FALEC: variants seen among roughly 807,000 people sequenced by gnomAD.
FALEC encodes the protein focally amplified lncRNA regulator of ECM1, also known as focally amplified lncRNA on chromosome 1.
the FALEC span, among the ~76,000 whole-genome samples, chr1:150,530,332 C>T: frequency 6.6e-6 from 1 of 152,134 alleles, no homozygotes; most frequent in Non-Finnish European, 1.5e-5. Context: ...GACTTTGAAT[C>T]GGGAGGCAGC....
chr1:150,535,876 A>C, the FALEC span, among the ~76,000 whole-genome samples: 1 of 152,222 alleles, frequency 6.6e-6, no homozygotes, highest in African/African-American at 2.4e-5. Flanking sequence ...CTGGTTCTGC[A>C]CCTGGGGCTT....
the FALEC span, among the ~76,000 whole-genome samples, chr1:150,524,219 A>C: frequency 6.6e-6 from 1 of 152,116 alleles, no homozygotes; most frequent in Non-Finnish European, 1.5e-5. Flanking sequence ...GTGCGATTAG[A>C]GCTCACTGCA....
chr1:150,516,265 G>C lies in FALEC; in HGVS notation n.306+203G>C, dbSNP rs755430854. 2.0e-5 allele frequency among the ~76,000 whole-genome samples: 3 copies of C among 152,188 alleles called. No homozygotes were observed. In the South Asian group the frequency reaches 6.2e-4, roughly 32 times the overall value. ...CTGTCTCAAAAAAAAAAAGGGAGCG[G>C]GGGGGCTTTGGTCTGTGCAGGAGCT... On this transcript the variant is annotated intron_variant and non_coding_transcript_variant, in intron 1 of 1. Transcript: ENST00000416894.
At chr1:150,522,182 G>A (rs1237624082), downstream of FALEC, among the ~76,000 whole-genome samples, 1 of 151,898 alleles carries the variant, frequency 6.6e-6, no homozygotes, top group Non-Finnish European at 1.5e-5. Flanking sequence ...AGGAGATGGA[G>A]GTTGCAGTGA....
chr1:150,522,863 A>G (rs1454029948), downstream of FALEC, among the ~76,000 whole-genome samples: 2 of 123,354 alleles, frequency 1.6e-5, no homozygotes, highest in South Asian at 2.3e-4. Flanking sequence ...ATATATATAT[A>G]TACGTATATA....
At chr1:150,517,489 T>A (rs967287569) in intron 1 of FALEC, among the ~76,000 whole-genome samples, 1 of 152,090 alleles carries the variant, frequency 6.6e-6, no homozygotes, top group African/African-American at 2.4e-5. Flanking sequence ...GTTGAAATCC[T>A]AGCCCCCAGT....
chr1:150,535,217 A>T, the FALEC span, among the ~76,000 whole-genome samples: 2 of 143,040 alleles, frequency 1.4e-5, no homozygotes, highest in African/African-American at 5.1e-5. Context: ...GTTGACAAAC[A>T]GTATTTTTAT....
At chr1:150,519,750 G>A (rs761216348), downstream of FALEC, among the ~76,000 whole-genome samples, 14 of 152,160 alleles carry the variant, frequency 9.2e-5, no homozygotes, top group Non-Finnish European at 1.8e-4. Flanking sequence ...CCAGCTACTC[G>A]GGAGGCTGAG....
the FALEC span, among the ~76,000 whole-genome samples, chr1:150,527,152 G>A: frequency 6.7e-6 from 1 of 150,020 alleles, no homozygotes; most frequent in African/African-American, 2.5e-5. Flanking sequence ...TATTGGTCAG[G>A]CTGGTCTCGA....
At chr1:150,519,624 A>G (rs1011107848), downstream of FALEC, among the ~76,000 whole-genome samples, 2 of 152,028 alleles carry the variant, frequency 1.3e-5, no homozygotes, top group African/African-American at 4.8e-5. Flanking sequence ...TGGGAGGCTG[A>G]GGTGGATGGA....
downstream of FALEC, among the ~76,000 whole-genome samples, chr1:150,520,587 G>A (rs1195881623): frequency 6.6e-6 from 1 of 151,868 alleles, no homozygotes; most frequent in Admixed American, 6.6e-5. Context: ...TTCATCTGTT[G>A]ATGGACATTT....
chr1:150,518,152 T>C (rs1670595174), downstream of FALEC: 1 of 152,200 alleles, frequency 6.6e-6, no homozygotes. Context: ...GTACAATCTG[T>C]CAGTTTTTCT....
chr1:150,531,084 TTC>T, the FALEC span, among the ~76,000 whole-genome samples: 1 of 152,174 alleles, frequency 6.6e-6, no homozygotes, highest in African/African-American at 2.4e-5. Flanking sequence ...TACTCAATGA[TTC>T]CACTATTCCA....
downstream of FALEC, among the ~76,000 whole-genome samples, chr1:150,522,889 G>GTA (rs1179886123): frequency 9.2e-3 from 406 of 44,318 alleles, 32 homozygotes; most frequent in East Asian, 0.02. Context: ...ATATATATAC[G>GTA]TATATATATA....
At chr1:150,525,805 C>G in the FALEC span, among the ~76,000 whole-genome samples, 1 of 152,150 alleles carries the variant, frequency 6.6e-6, no homozygotes, top group Non-Finnish European at 1.5e-5. Flanking sequence ...GCACACACCA[C>G]CATACCTGGC....
chr1:150,521,701 C>T (rs1570892354), downstream of FALEC, among the ~76,000 whole-genome samples: 1 of 152,146 alleles, frequency 6.6e-6, no homozygotes, highest in East Asian at 1.9e-4. Flanking sequence ...ACTGTTATGA[C>T]CCCTCTGCAG....
downstream of FALEC, among the ~76,000 whole-genome samples, chr1:150,519,729 C>T (rs764080189): frequency 2.6e-5 from 4 of 151,950 alleles, no homozygotes; most frequent in African/African-American, 9.7e-5. Context: ...TGGTGGTGGG[C>T]GCCTGTAATC....
the FALEC span, among the ~76,000 whole-genome samples, chr1:150,526,494 CG>C: frequency 6.6e-5 from 10 of 151,722 alleles, no homozygotes; most frequent in African/African-American, 2.4e-4. Flanking sequence ...CTACTGCACA[CG>C]GCGAGTATGT....
downstream of FALEC, among the ~76,000 whole-genome samples, chr1:150,518,778 C>T (rs377084039): frequency 6.6e-5 from 10 of 151,944 alleles, no homozygotes; most frequent in East Asian, 1.2e-3. Context: ...AATCCCTGGC[C>T]GGGCGCTGTG....
Sources: allele counts gnomAD v4.1 joint callset (sites outside exome capture counted in the v4.1 genomes callset), GRCh38; gene constraint gnomAD v4.1.1; transcripts MANE v1.5; gene names NCBI Gene and HGNC (gene_info 2026-07-23, HGNC 2026-07-21).